The following SLC25A36 variants were observed in gnomAD, a reference collection of about 807,000 sequenced individuals.
SLC25A36 encodes the protein epididymis secretory sperm binding protein.
In SLC25A36, 24 loss-of-function variants were observed where a neutral mutation model predicts 35.3. The observed-to-expected ratio is 0.68, with a 90% CI of 0.49 to 0.96. The LOEUF is 0.96. SLC25A36 is among the 40% of genes least tolerant of loss of function. The pLI is 0.00. For missense variants in SLC25A36, 294 were observed against 381.1 expected, an observed-to-expected ratio of 0.77 and a Z score of 1.90; for synonymous variants, 141 against 132.2, an observed-to-expected ratio of 1.07 and a Z score of -0.46.
intron 6 of SLC25A36, among the ~76,000 whole-genome samples, chr3:140,974,676 GTTGTT>G (rs1189009922): frequency 3.9e-5 from 6 of 152,066 alleles, no homozygotes; most frequent in African/African-American, 9.6e-5. Context: ...AGCTTTTTTG[GTTGTT>G]TTAAGTGTCG....
At position 140,963,226 on chromosome 3, in the gene SLC25A36, A is replaced by G; in HGVS notation, c.384A>G (p.Ala128=). The stretch of plus-strand genomic sequence containing the variant: ...TACATATGATTTCAGCTGCAATGGC[A>G]GGTATGAATGTATAATATTAAAAAA... ...TQVHMISAAM[A]GFTAITATNP... The change falls in exon 4 of 7, where the codon GCA becomes GCG. Residue 128 remains alanine (A), a splice_region_variant and synonymous_variant. Coordinates refer to ENST00000324194, the MANE Select transcript of SLC25A36 (RefSeq NM_001104647.3). 6.5e-7 allele frequency: 1 copy of G among 1,542,214 alleles called. No homozygotes were observed. The highest frequency in any genetic ancestry group is 8.8e-7 in the Non-Finnish European group (1 of 1,138,968).
At chr3:140,958,885 A>G (rs893736435) in intron 2 of SLC25A36, among the ~76,000 whole-genome samples, 2 of 152,032 alleles carry the variant, frequency 1.3e-5, no homozygotes, top group Non-Finnish European at 2.9e-5. Flanking sequence ...GAATCTGAAC[A>G]GATTTTTTAA....
chr3:140,974,160 G>C (rs1359250997), intron 6 of SLC25A36, among the ~76,000 whole-genome samples, 155 bp downstream of exon 6: 3 of 152,150 alleles, frequency 2.0e-5, no homozygotes, highest in African/African-American at 7.2e-5. Context: ...AATGTAGGCT[G>C]TATTAATAGG....
intron 4 of SLC25A36, among the ~76,000 whole-genome samples, chr3:140,969,176 C>G (rs1934838913): frequency 6.6e-6 from 1 of 151,624 alleles, no homozygotes; most frequent in Non-Finnish European, 1.5e-5. Flanking sequence ...AAATGAGGTT[C>G]AAAAGAAGAG....
chr3:140,946,040 C>T (rs1934154964), intron 1 of SLC25A36, among the ~76,000 whole-genome samples: 1 of 152,148 alleles, frequency 6.6e-6, no homozygotes, highest in South Asian at 2.1e-4. Context: ...TCAGATTCTA[C>T]ATTTCAGCTA....
intron 3 of SLC25A36, among the ~76,000 whole-genome samples, chr3:140,961,577 C>G (rs531155607): frequency 6.6e-6 from 1 of 151,772 alleles, no homozygotes; most frequent in South Asian, 2.1e-4. Context: ...GAATATTGAC[C>G]GGGCAGAGTG....
chr3:140,972,659 A>G (rs1370718592), intron 5 of SLC25A36: 1 of 152,028 alleles, frequency 6.6e-6, no homozygotes, highest in African/African-American at 2.4e-5. Context: ...AAAAAATAAA[A>G]ATAGGGCTGA....
chr3:140,963,175 T>C lies in SLC25A36; in HGVS notation c.333T>C (p.Asp111=), dbSNP rs372583688. 1.3e-6 allele frequency: 2 copies of C among 1,598,310 alleles called. No individual in the cohort carries two copies. The highest frequency in any genetic ancestry group is 1.7e-6 in the Non-Finnish European group (2 of 1,176,280). ...CAAACTGCAAGGAAAAGTTGAATGATGTATTTGATCCTGATTCTACCCAAG... is the reference window on the plus strand; with the variant it reads ...CAAACTGCAAGGAAAAGTTGAATGACGTATTTGATCCTGATTCTACCCAAG... ...AYSNCKEKLN[D]VFDPDSTQVH... The change falls in exon 4 of 7, where the codon GAT becomes GAC. Residue 111 remains aspartate, a synonymous_variant. Transcript: ENST00000324194.
chr3:140,966,985 G>T, intron 4 of SLC25A36: 1 of 456,184 alleles, frequency 2.2e-6, no homozygotes, highest in Non-Finnish European at 4.4e-6. Context: ...GTCATCTCAT[G>T]CTCCCCATCC....
At chr3:140,955,781 T>G (rs1485078194) in intron 1 of SLC25A36, among the ~76,000 whole-genome samples, 1 of 152,146 alleles carries the variant, frequency 6.6e-6, no homozygotes, top group South Asian at 2.1e-4. Context: ...AGCCCTGAAC[T>G]CCTATGCTCA....
At chr3:140,949,069 G>A (rs747959443) in intron 1 of SLC25A36, among the ~76,000 whole-genome samples, 2 of 152,046 alleles carry the variant, frequency 1.3e-5, no homozygotes, top group African/African-American at 4.8e-5. Flanking sequence ...GTTTGCACAG[G>A]GTTGTTTTAT....
chr3:140,977,176 G>C lies in SLC25A36; in HGVS notation c.*723G>C, dbSNP rs139728036. 6.6e-6 allele frequency: 1 copy of C among 152,078 alleles called. No individual in the cohort carries two copies. The highest frequency in any genetic ancestry group is 1.5e-5 in the Non-Finnish European group (1 of 68,030). 9.4% of individuals were successfully genotyped at this position (152,078 alleles called of 1,614,324 possible). On this transcript the variant is annotated 3_prime_UTR_variant, in exon 7 of 7. Coordinates refer to ENST00000324194, the MANE Select transcript of SLC25A36 (RefSeq NM_001104647.3). ...TTTTCACTGACTGCGGCATGTCCTC[G>C]TGTCTTCTCTGATTTTGTGGTACAT... is the stretch of plus-strand genomic sequence containing the variant.
At chr3:140,944,940 C>T (rs969258902) in intron 1 of SLC25A36, among the ~76,000 whole-genome samples, 11 of 152,082 alleles carry the variant, frequency 7.2e-5, no homozygotes, top group African/African-American at 2.7e-4. Context: ...GATTTATTTC[C>T]GCTTCACTCT....
intron 4 of SLC25A36, chr3:140,968,774 A>T (rs925737987): frequency 5.5e-5 from 25 of 456,144 alleles, no homozygotes; most frequent in Non-Finnish European, 6.3e-5. Context: ...ACTTTTATTT[A>T]AAAAAAAAAA....
chr3:140,955,816 C>T (rs546811366), intron 1 of SLC25A36, among the ~76,000 whole-genome samples: 3 of 152,172 alleles, frequency 2.0e-5, no homozygotes, highest in South Asian at 4.1e-4. Context: ...CTCAGCCTCC[C>T]GAGTAGCCAG....
chr3:140,942,391 C>T, intron 1 of SLC25A36: 1 of 289,080 alleles, frequency 3.5e-6, no homozygotes, highest in Non-Finnish European at 6.5e-6. Flanking sequence ...TTTGGGCCCG[C>T]GGGGCCGGGG....
chr3:140,973,406 A>G (rs1379013696), intron 5 of SLC25A36, among the ~76,000 whole-genome samples: 2 of 152,190 alleles, frequency 1.3e-5, no homozygotes, highest in Non-Finnish European at 2.9e-5. Context: ...CTTGAGCTGC[A>G]GTCAGGGTGT....
rs1219182234 is a variant in SLC25A36, at chr3:140,977,539, C to A, written c.*1086C>A. 2 of 152,118 alleles carry A rather than the reference C, an allele frequency of 1.3e-5. No individual in the cohort carries two copies. Among genetic ancestry groups the A allele is most frequent in the Non-Finnish European group, 2.9e-5 (2 of 67,998 alleles). The allele number at this position is 152,118 out of a possible 1,614,324, so 9.4% of individuals were successfully genotyped here. A position where few individuals can be genotyped will look rare whatever the true frequency, so the allele number is the denominator to read the frequency against. Reference sequence around the variant, plus strand: ...TGACTTATAGTTTTGTGTAAATGAACAAACTGCTTTTGACAAGAAATTTAT... The same window carrying A: ...TGACTTATAGTTTTGTGTAAATGAAAAAACTGCTTTTGACAAGAAATTTAT... On this transcript the variant is annotated 3_prime_UTR_variant, in exon 7 of 7. Coordinates refer to ENST00000324194, the MANE Select transcript of SLC25A36 (RefSeq NM_001104647.3).
At chr3:140,973,063 A>G (rs540008432) in intron 5 of SLC25A36, 1 of 152,058 alleles carries the variant, frequency 6.6e-6, no homozygotes, top group African/African-American at 2.4e-5. Context: ...AACTAAGGAA[A>G]TTGTATTAGG....
Sources: allele counts gnomAD v4.1 joint callset (sites outside exome capture counted in the v4.1 genomes callset), GRCh38; gene constraint gnomAD v4.1.1; transcripts MANE v1.5; gene names NCBI Gene and HGNC (gene_info 2026-07-23, HGNC 2026-07-21).